The following MAPKAPK3 variants were observed in gnomAD, a reference collection of about 807,000 sequenced individuals.
The protein encoded by MAPKAPK3 is MAPK activated protein kinase 3.
In MAPKAPK3, 35 loss-of-function variants were observed where a neutral mutation model predicts 49.2. That is an observed-to-expected ratio of 0.71 (90% CI 0.54 to 0.94). The LOEUF (loss-of-function observed/expected upper bound fraction) is 0.94, where lower values mean the gene tolerates loss of function less well. MAPKAPK3 is among the 40% of genes least tolerant of loss of function. The pLI is 0.00. For synonymous variants in MAPKAPK3, 178 were observed against 188.7 expected, an observed-to-expected ratio of 0.94 and a Z score of 0.46; for missense variants, 398 against 493.1, an observed-to-expected ratio of 0.81 and a Z score of 1.83.
intron 2 of MAPKAPK3, among the ~76,000 whole-genome samples, chr3:50,639,309 A>G (rs1361567272): frequency 6.6e-6 from 1 of 152,122 alleles, no homozygotes; most frequent in Non-Finnish European, 1.5e-5. Context: ...CTCAGCTGTC[A>G]TCTCCCTCAA....
At chr3:50,646,095 G>T in intron 7 of MAPKAPK3, 45 bp from the exon 8 acceptor site, 2 of 1,599,014 alleles carry the variant, frequency 1.3e-6, no homozygotes, top group South Asian at 1.1e-5. Flanking sequence ...GGTCCACCCT[G>T]GCACTGCTCC....
intron 3 of MAPKAPK3, 78 bp downstream of exon 3, chr3:50,640,583 T>C (rs573641417): frequency 1.3e-6 from 2 of 1,487,284 alleles, no homozygotes; most frequent in East Asian, 2.3e-5. Flanking sequence ...TTCTAGGGGC[T>C]TTCTTTGTTT....
At chr3:50,622,105 C>T (rs1032905510) in intron 2 of MAPKAPK3, among the ~76,000 whole-genome samples, 1 of 152,180 alleles carries the variant, frequency 6.6e-6, no homozygotes, top group Non-Finnish European at 1.5e-5. Context: ...CCCTTGATGC[C>T]AGTTGGCTTC....
Position 50,648,341 on chromosome 3 carries a change from C to A in MAPKAPK3, c.*295C>A. 3.4e-6 allele frequency: 1 copy of A among 290,648 alleles called. No individual in the cohort carries two copies. The highest frequency in any genetic ancestry group is 6.5e-6 in the Non-Finnish European group (1 of 154,726). 18.0% of individuals were successfully genotyped at this position (290,648 alleles called of 1,614,324 possible). A position where few individuals can be genotyped will look rare whatever the true frequency, so the allele number is the denominator to read the frequency against. On this transcript the variant is annotated 3_prime_UTR_variant, in exon 11 of 11. Coordinates refer to ENST00000621469, the MANE Select transcript of MAPKAPK3 (RefSeq NM_001243925.2). ...AGTGAGGCCTCTGTGCTGTCCTGCCCTGGTGCATGGCCTTAGCTTTCTAGG... is the reference window on the plus strand; with the variant it reads ...AGTGAGGCCTCTGTGCTGTCCTGCCATGGTGCATGGCCTTAGCTTTCTAGG...
chr3:50,635,399 A>G (rs550027531), intron 2 of MAPKAPK3, among the ~76,000 whole-genome samples: 4 of 135,240 alleles, frequency 3.0e-5, no homozygotes, highest in African/African-American at 8.6e-5. Flanking sequence ...GGCCTCCTCA[A>G]TTTAATCTTT....
chr3:50,642,441 A>G, intron 5 of MAPKAPK3, 109 bp downstream of exon 5: 1 of 779,028 alleles, frequency 1.3e-6, no homozygotes, highest in Non-Finnish European at 2.2e-6. Context: ...TTCCCTAGTC[A>G]CATTCAAAGC....
chr3:50,611,787 C>G, upstream of MAPKAPK3: 1 of 1,202,098 alleles, frequency 8.3e-7, no homozygotes, highest in Non-Finnish European at 1.1e-6. Flanking sequence ...GAGGCAGTGG[C>G]GCGGACCGCC....
intron 5 of MAPKAPK3, among the ~76,000 whole-genome samples, chr3:50,643,343 G>A (rs2033218562): frequency 6.6e-6 from 1 of 152,188 alleles, no homozygotes; most frequent in Non-Finnish European, 1.5e-5. Flanking sequence ...GGAGGACTGG[G>A]TCTTAGAGGT....
chr3:50,641,166 G>A (rs992539747), intron 3 of MAPKAPK3, among the ~76,000 whole-genome samples: 1 of 152,188 alleles, frequency 6.6e-6, no homozygotes, highest in African/African-American at 2.4e-5. Flanking sequence ...TCCATTCTAA[G>A]TGGCCCATGT....
intron 2 of MAPKAPK3, among the ~76,000 whole-genome samples, chr3:50,638,085 G>C (rs78685844): frequency 0.03 from 4,565 of 152,276 alleles, 569 homozygotes; most frequent in East Asian, 0.23. Flanking sequence ...AAGCATTCCA[G>C]CTGTGAGCTT....
intron 2 of MAPKAPK3, among the ~76,000 whole-genome samples, chr3:50,626,353 C>A (rs934066597): frequency 4.7e-4 from 72 of 152,288 alleles, no homozygotes; most frequent in African/African-American, 1.6e-3. Flanking sequence ...GAGGGCAGAG[C>A]TGAGTGTGAG....
At chr3:50,613,630 T>C (rs1359693435), upstream of MAPKAPK3, among the ~76,000 whole-genome samples, 1 of 152,208 alleles carries the variant, frequency 6.6e-6, no homozygotes, top group Non-Finnish European at 1.5e-5. Flanking sequence ...ATTTTGAACT[T>C]GGGTCTCTTA....
At position 50,617,723 on chromosome 3, in the gene MAPKAPK3, G is replaced by A. The variant is rs759919624; in HGVS notation, c.158G>A (p.Gly53Asp). The change falls in exon 2 of 11, where the codon GGT becomes GAT. Residue 53 changes from glycine to aspartate, a missense_variant. Physicochemically the swap from Gly to Asp is moderately conservative, Grantham distance 94. This residue lies in a region of MAPKAPK3 where 123 missense variants were observed against 117.7 expected (regional missense o/e 1.04). Transcript: ENST00000621469. Reference sequence around the variant, plus strand: ...TTGTCCAAGCAGGTGCTGGGCCTGGGTGTGAACGGCAAAGTGCTGGAGTGC... The same window carrying A: ...TTGTCCAAGCAGGTGCTGGGCCTGGATGTGAACGGCAAAGTGCTGGAGTGC... ...YQLSKQVLGL[G>D]VNGKVLECFH... is the part of the protein sequence containing the mutation. The A allele has an allele frequency of 1.2e-6, 2 of 1,613,714 alleles. No homozygotes were observed. Among genetic ancestry groups the A allele is most frequent in the Non-Finnish European group, 1.7e-6 (2 of 1,180,000 alleles).
At chr3:50,635,924 AAAAAAAAAAAAAAAAAAAAAAACC>A (rs2033026751) in intron 2 of MAPKAPK3, among the ~76,000 whole-genome samples, 1 of 74,322 alleles carries the variant, frequency 1.3e-5, no homozygotes, top group Admixed American at 1.3e-4. Flanking sequence ...CTCTACCAAA[AAAAAAAAAAAAAAAAAAAAAAACC>A]AAAAAAAAAA....
At chr3:50,613,469 G>T (rs1377109451), upstream of MAPKAPK3, among the ~76,000 whole-genome samples, 1 of 152,182 alleles carries the variant, frequency 6.6e-6, no homozygotes, top group Non-Finnish European at 1.5e-5. Context: ...AGGGGGGATG[G>T]ATACCTTATA....
chr3:50,621,129 C>A (rs1282860125), intron 2 of MAPKAPK3, among the ~76,000 whole-genome samples: 1 of 152,184 alleles, frequency 6.6e-6, no homozygotes, highest in Non-Finnish European at 1.5e-5. Context: ...GGCCTCTTGG[C>A]AGGCAGAAGT....
At chr3:50,633,207 G>A (rs528674652) in intron 2 of MAPKAPK3, among the ~76,000 whole-genome samples, 4 of 152,188 alleles carry the variant, frequency 2.6e-5, no homozygotes, top group South Asian at 2.1e-4. Flanking sequence ...GCACCTCTCC[G>A]TGGCCAGTTC....
intron 2 of MAPKAPK3, among the ~76,000 whole-genome samples, chr3:50,621,547 G>T (rs577132674): frequency 6.7e-6 from 1 of 148,332 alleles, no homozygotes; most frequent in African/African-American, 2.5e-5. Context: ...GCAGTGAGCC[G>T]AGATCACGCC....
At chr3:50,629,544 C>T (rs2032851246) in intron 2 of MAPKAPK3, among the ~76,000 whole-genome samples, 1 of 152,216 alleles carries the variant, frequency 6.6e-6, no homozygotes. Flanking sequence ...CCCCACTTTC[C>T]AGATTGGGCC....
Sources: gnomAD v4.1 joint callset for allele counts (sites outside exome capture counted in the v4.1 genomes callset) on GRCh38, gnomAD v4.1.1 for gene constraint, gnomAD v4.1.1 regional missense constraint, MANE v1.5 for transcripts, NCBI Gene and HGNC (gene_info 2026-07-23, HGNC 2026-07-21) for gene names.